The following CBLB variants were observed in gnomAD, a reference collection of about 807,000 sequenced individuals.
CBLB encodes E3 ubiquitin-protein ligase CBL-B.
CBLB carries 31 observed loss-of-function variants against 104.9 expected under a neutral mutation model. That is an observed-to-expected ratio of 0.30 (90% CI 0.22 to 0.40). The LOEUF is 0.40. Among genes scored for constraint, CBLB ranks in the 10% least tolerant of loss-of-function variants. CBLB has a pLI of 1.00. For synonymous variants in CBLB, 440 were observed against 422.6 expected (o/e 1.04, Z -0.51); for missense variants, 1,062 against 1,214.6 (o/e 0.87, Z 1.87).
intron 18 of CBLB, among the ~76,000 whole-genome samples, chr3:105,665,197 A>G (rs965863338): frequency 1.3e-5 from 2 of 151,756 alleles, no homozygotes; most frequent in African/African-American, 2.4e-5. Context: ...GAGGTCAGGA[A>G]TTCAAGACCA....
chr3:105,779,761 T>C (rs1404033263), intron 3 of CBLB, among the ~76,000 whole-genome samples: 2 of 152,194 alleles, frequency 1.3e-5, no homozygotes, highest in African/African-American at 4.8e-5. Context: ...AAATACGTTT[T>C]CTTTTTTATA....
At chr3:105,836,638 C>A (rs566562218) in intron 3 of CBLB, among the ~76,000 whole-genome samples, 1 of 152,226 alleles carries the variant, frequency 6.6e-6, no homozygotes, top group African/African-American at 2.4e-5. Context: ...ATGACGGTTT[C>A]TTACATGAAG....
In CBLB at chr3:105,776,630, A is replaced by G. The variant is rs139740789; in HGVS notation, c.420-88T>C. The G allele has an allele frequency of 1.4e-3, 1,659 of 1,168,980 alleles. 18 individuals are homozygous for G. The African/African-American group carries it at 0.022, about 15-fold the overall frequency. The allele number at this position is 1,168,980 out of a possible 1,614,324, so 72.4% of individuals were successfully genotyped here. On this transcript the variant is annotated intron_variant, in intron 3 of 18. Coordinates refer to ENST00000394030, the MANE Select transcript of CBLB (RefSeq NM_170662.5). Reference sequence around the variant, plus strand: ...ATGGTAATATATATTAAGACAAACAATGTTATGTATGTATCAACGTATGTC... The same window carrying G: ...ATGGTAATATATATTAAGACAAACAGTGTTATGTATGTATCAACGTATGTC...
intron 18 of CBLB, among the ~76,000 whole-genome samples, chr3:105,665,868 A>T (rs1366016889): frequency 6.6e-6 from 1 of 151,738 alleles, no homozygotes; most frequent in East Asian, 1.9e-4. Context: ...GTCTCTACTA[A>T]AAATGTAAAA....
upstream of CBLB, chr3:105,869,249 A>C (rs1433896048): frequency 1.4e-6 from 1 of 709,270 alleles, no homozygotes; most frequent in Non-Finnish European, 2.3e-6. Context: ...GGACTCGGAG[A>C]GAAATGAGGG....
At chr3:105,661,492 GAAAAGTACCTAGACTTTGATAC>G (rs2152669689) in intron 18 of CBLB, among the ~76,000 whole-genome samples, 1 of 152,226 alleles carries the variant, frequency 6.6e-6, no homozygotes, top group South Asian at 2.1e-4. Flanking sequence ...TTTTAGATGA[GAAAAGTACCTAGACTTTGATAC>G]AAAAGTACCT....
chr3:105,726,596 C>T (rs1196449906), intron 9 of CBLB, among the ~76,000 whole-genome samples: 5 of 150,102 alleles, frequency 3.3e-5, no homozygotes, highest in Non-Finnish European at 7.4e-5. Context: ...GATACATGTG[C>T]AGAACATGCA....
chr3:105,795,061 G>A (rs753500020), intron 3 of CBLB, among the ~76,000 whole-genome samples: 1 of 151,718 alleles, frequency 6.6e-6, no homozygotes, highest in Non-Finnish European at 1.5e-5. Context: ...CTACAGACAC[G>A]CACCACCACG....
chr3:105,790,687 G>A (rs549744661), intron 3 of CBLB, among the ~76,000 whole-genome samples: 114 of 152,274 alleles, frequency 7.5e-4, no homozygotes, highest in Middle Eastern at 3.4e-3. Flanking sequence ...CAAAACACAG[G>A]AACTAAAGAG....
At chr3:105,869,254 T>C, upstream of CBLB, 1 of 730,104 alleles carries the variant, frequency 1.4e-6, no homozygotes, top group South Asian at 1.4e-5. Flanking sequence ...CGGAGAGAAA[T>C]GAGGGGCCTG....
chr3:105,803,938 G>A (rs1048327549), intron 3 of CBLB, among the ~76,000 whole-genome samples: 13 of 152,124 alleles, frequency 8.5e-5, no homozygotes, highest in South Asian at 2.1e-4. Flanking sequence ...GGGTAATGTC[G>A]AGAGTAAGTT....
At chr3:105,733,398 T>G (rs2074556323) in intron 9 of CBLB, among the ~76,000 whole-genome samples, 1 of 151,934 alleles carries the variant, frequency 6.6e-6, no homozygotes, top group African/African-American at 2.4e-5. Context: ...AAACCAGTTA[T>G]TCTCCAGACC....
intron 3 of CBLB, among the ~76,000 whole-genome samples, chr3:105,851,805 T>C (rs2090986724): frequency 6.6e-6 from 1 of 152,198 alleles, no homozygotes; most frequent in African/African-American, 2.4e-5. Context: ...GACATTTCAG[T>C]CAAGGACATT....
At chr3:105,728,515 A>G (rs1177824143) in intron 9 of CBLB, among the ~76,000 whole-genome samples, 1 of 152,194 alleles carries the variant, frequency 6.6e-6, no homozygotes, top group Non-Finnish European at 1.5e-5. Flanking sequence ...CTTACATGGT[A>G]ATGCTGCAGA....
intron 3 of CBLB, among the ~76,000 whole-genome samples, chr3:105,786,552 G>A (rs1269364719): frequency 6.6e-6 from 1 of 152,096 alleles, no homozygotes; most frequent in East Asian, 1.9e-4. Context: ...TTCCCCCATA[G>A]TACATTCACA....
At chr3:105,823,082 T>C (rs1332128668) in intron 3 of CBLB, among the ~76,000 whole-genome samples, 2 of 152,198 alleles carry the variant, frequency 1.3e-5, no homozygotes, top group Non-Finnish European at 2.9e-5. Flanking sequence ...TTGAATTTGA[T>C]AAGTTAAATG....
chr3:105,791,058 CA>C (rs2081575365), intron 3 of CBLB, among the ~76,000 whole-genome samples: 1 of 152,154 alleles, frequency 6.6e-6, no homozygotes. Flanking sequence ...ATAATTTAAT[CA>C]TTAGGAATTC....
intron 2 of CBLB, among the ~76,000 whole-genome samples, chr3:105,864,648 C>T (rs2092320277): frequency 6.6e-6 from 1 of 152,152 alleles, no homozygotes; most frequent in South Asian, 2.1e-4. Context: ...TTACAAAACA[C>T]TCTACATCTT....
rs150463096 is a variant in CBLB, at chr3:105,709,744, T to C, written c.1408-5571A>G. ...TATGTGCTAGTTTTTAAGGAAAGAATCATACAATTTTTTTGAGCACAAGAT... is the reference window on the plus strand; with the variant it reads ...TATGTGCTAGTTTTTAAGGAAAGAACCATACAATTTTTTTGAGCACAAGAT... On this transcript the variant is annotated intron_variant, in intron 10 of 18. Coordinates refer to ENST00000394030, the MANE Select transcript of CBLB (RefSeq NM_170662.5). Among the ~76,000 whole-genome samples the C allele has an allele frequency of 3.9e-5, 6 of 152,018 alleles. No homozygotes were observed. The East Asian group carries it at 1.2e-3, about 29-fold the overall frequency.
Sources: allele counts gnomAD v4.1 joint callset (sites outside exome capture counted in the v4.1 genomes callset), GRCh38; gene constraint gnomAD v4.1.1; transcripts MANE v1.5; gene names NCBI Gene and HGNC (gene_info 2026-07-23, HGNC 2026-07-21).